Variants in RBFOX1 observed in about 807,000 individuals in gnomAD.
RBFOX1 encodes RNA binding fox-1 homolog 1, also known as RNA binding protein fox-1 homolog 1.
Under a neutral mutation model 57.7 loss-of-function variants are expected in RBFOX1, and 8 were observed. The observed-to-expected ratio is 0.14, with a 90% confidence interval of 0.08 to 0.25. RBFOX1 has a LOEUF of 0.25. Ranked by LOEUF, RBFOX1 falls within the 10% of genes least tolerant of loss-of-function variation. RBFOX1 has a pLI of 1.00. For missense variants in RBFOX1, 611 were observed against 548.5 expected (o/e 1.11, Z -1.14); for synonymous variants, 326 against 222.4 (o/e 1.47, Z -4.15).
In RBFOX1 at chr16:6,562,047, C is replaced by T. The variant is rs138148877; in HGVS notation, c.-63-92556C>T. 1.4e-4 allele frequency among the ~76,000 whole-genome samples: 21 copies of T among 152,234 alleles called. No homozygotes were observed. The East Asian group carries it at 2.1e-3, about 15-fold the overall frequency. On this transcript the variant is annotated intron_variant, in intron 2 of 15. Transcript: ENST00000550418. ...GTGCTTTAAGGCATGGAGTTTTCAG[C>T]GGGATATTACTCATTTCCATCATTA...
chr16:6,098,034 G>T (rs922818503), intron 1 of RBFOX1, among the ~76,000 whole-genome samples: 1 of 152,134 alleles, frequency 6.6e-6, no homozygotes, highest in Non-Finnish European at 1.5e-5. Flanking sequence ...TGCTCACTTG[G>T]CATAGCAAGG....
intron 2 of RBFOX1, among the ~76,000 whole-genome samples, chr16:6,423,679 G>C (rs932441476): frequency 6.6e-6 from 1 of 152,116 alleles, no homozygotes; most frequent in Non-Finnish European, 1.5e-5. Flanking sequence ...CCAAGAGCAA[G>C]ACACAGTGGA....
chr16:5,299,119 C>A (rs1032268296), intron 1 of RBFOX1, among the ~76,000 whole-genome samples: 1 of 151,254 alleles, frequency 6.6e-6, no homozygotes, highest in Non-Finnish European at 1.5e-5. Flanking sequence ...ACTGTTCTAA[C>A]AATTTCCATC....
At chr16:6,202,377 G>A (rs905010753) in intron 1 of RBFOX1, among the ~76,000 whole-genome samples, 4 of 152,024 alleles carry the variant, frequency 2.6e-5, no homozygotes, top group East Asian at 1.9e-4. Context: ...ATTGACTGGC[G>A]ATCTTCATGG....
intron 1 of RBFOX1, among the ~76,000 whole-genome samples, chr16:5,310,860 A>G (rs1360537757): frequency 3.9e-5 from 6 of 152,210 alleles, no homozygotes; most frequent in Non-Finnish European, 5.9e-5. Flanking sequence ...AAAAATTTCA[A>G]TAGCTTTTGG....
At chr16:5,380,722 C>T (rs1035440334) in intron 1 of RBFOX1, among the ~76,000 whole-genome samples, 1 of 152,166 alleles carries the variant, frequency 6.6e-6, no homozygotes, top group Non-Finnish European at 1.5e-5. Context: ...CAAAGACACA[C>T]GTCTAGTAAG....
At chr16:6,904,247 C>T (rs571829764) in intron 3 of RBFOX1, among the ~76,000 whole-genome samples, 1 of 152,114 alleles carries the variant, frequency 6.6e-6, no homozygotes, top group South Asian at 2.1e-4. Context: ...CTGTCATTTG[C>T]AGGGACTTCT....
intron 3 of RBFOX1, among the ~76,000 whole-genome samples, chr16:5,775,649 A>G (rs1273623037): frequency 6.6e-6 from 1 of 152,152 alleles, no homozygotes; most frequent in African/African-American, 2.4e-5. Flanking sequence ...ACATGGCCTC[A>G]GTGCCACTTC....
At chr16:5,678,940 G>A (rs1467164893) in intron 3 of RBFOX1, among the ~76,000 whole-genome samples, 1 of 152,216 alleles carries the variant, frequency 6.6e-6, no homozygotes, top group African/African-American at 2.4e-5. Context: ...GTAATGCGGA[G>A]GATGTAGGTA....
chr16:5,803,091 C>T (rs2055111184), intron 3 of RBFOX1, among the ~76,000 whole-genome samples: 1 of 152,178 alleles, frequency 6.6e-6, no homozygotes, highest in African/African-American at 2.4e-5. Context: ...CAGACAATGG[C>T]AGGAATGGGT....
At chr16:7,557,523 G>A (rs759465291) in intron 5 of RBFOX1, among the ~76,000 whole-genome samples, 1 of 149,836 alleles carries the variant, frequency 6.7e-6, no homozygotes, top group South Asian at 2.1e-4. Flanking sequence ...GAGAGGCTGA[G>A]GCAGGAGAGT....
intron 4 of RBFOX1, among the ~76,000 whole-genome samples, chr16:5,942,194 C>T (rs2059295062): frequency 6.6e-6 from 1 of 152,098 alleles, no homozygotes; most frequent in African/African-American, 2.4e-5. Flanking sequence ...AAATGGGAGA[C>T]TGGAGTTTTT....
chr16:7,020,396 G>C (rs890546089), intron 3 of RBFOX1, among the ~76,000 whole-genome samples: 1 of 151,830 alleles, frequency 6.6e-6, no homozygotes, highest in African/African-American at 2.4e-5. Context: ...CTTTTTTGTA[G>C]TTTTAGTAGA....
At chr16:5,410,274 G>A (rs1445247983) in intron 1 of RBFOX1, among the ~76,000 whole-genome samples, 2 of 151,896 alleles carry the variant, frequency 1.3e-5, no homozygotes, top group Non-Finnish European at 2.9e-5. Flanking sequence ...AGGAGGCTGA[G>A]GCAGGAGAAT....
chr16:6,522,977 C>A lies in RBFOX1; in HGVS notation c.-63-131626C>A, dbSNP rs572709960. Among the ~76,000 whole-genome samples the A allele has an allele frequency of 2.4e-4, 36 of 152,256 alleles. No homozygotes were observed. The East Asian group carries it at 6.2e-3, about 26-fold the overall frequency. On this transcript the variant is annotated intron_variant, in intron 2 of 15. Coordinates refer to ENST00000550418, the MANE Select transcript of RBFOX1 (RefSeq NM_018723.4). ...GTCCAGGTTCTTTAAAGAACCAGCT[C>A]CTTCTTATCTTTTAGGCATCAAAGA...
intron 1 of RBFOX1, among the ~76,000 whole-genome samples, chr16:6,078,410 ATT>A (rs376432472): frequency 2.1e-5 from 3 of 144,110 alleles, no homozygotes; most frequent in African/African-American, 5.3e-5. Flanking sequence ...TTTTTGGGGG[ATT>A]TTTTTTTTTA....
chr16:5,561,868 T>G (rs1255618931), intron 2 of RBFOX1, among the ~76,000 whole-genome samples: 1 of 152,154 alleles, frequency 6.6e-6, no homozygotes, highest in African/African-American at 2.4e-5. Flanking sequence ...CTGGAATTAA[T>G]GAGAAGCTTT....
intron 3 of RBFOX1, among the ~76,000 whole-genome samples, chr16:6,766,595 T>A (rs1028422558): frequency 1.3e-5 from 2 of 151,936 alleles, no homozygotes; most frequent in Non-Finnish European, 2.9e-5. Context: ...ACTAGTCACA[T>A]GGGACTTGTG....
chr16:6,358,445 T>C (rs989184669), intron 2 of RBFOX1, among the ~76,000 whole-genome samples: 1 of 152,234 alleles, frequency 6.6e-6, no homozygotes, highest in East Asian at 1.9e-4. Flanking sequence ...AACATAATTG[T>C]CATTGAGAGG....
Sources: allele counts gnomAD v4.1 joint callset (sites outside exome capture counted in the v4.1 genomes callset), GRCh38; gene constraint gnomAD v4.1.1; transcripts MANE v1.5; gene names NCBI Gene and HGNC (gene_info 2026-07-23, HGNC 2026-07-21).